Variants in TMEM91 observed in about 807,000 individuals in gnomAD.
The protein encoded by TMEM91 is dispanin subfamily C member 3.
Under a neutral mutation model 13.3 loss-of-function variants are expected in TMEM91, and 6 were observed. The observed-to-expected ratio is 0.45, with a 90% CI of 0.25 to 0.89. TMEM91 has a LOEUF of 0.89. TMEM91 is among the 40% of genes least tolerant of loss of function. The pLI, the probability that TMEM91 is intolerant of heterozygous loss-of-function variation, is 0.19. For missense variants in TMEM91, 193 were observed against 228.7 expected, an observed-to-expected ratio of 0.84 and a Z score of 1.01; for synonymous variants, 87 against 101.7, an observed-to-expected ratio of 0.86 and a Z score of 0.87.
intron 1 of TMEM91, among the ~76,000 whole-genome samples, chr19:41,367,017 T>G (rs961442198): frequency 2.0e-5 from 3 of 152,030 alleles, no homozygotes; most frequent in Admixed American, 1.3e-4. Flanking sequence ...GGCACATGCC[T>G]GTGGTGTCAG....
rs1226141500 is a variant in TMEM91, at chr19:41,371,354, CTTCCTTCCTTCCTTCT to C, written c.-29-6901_-29-6886del. Among the ~76,000 whole-genome samples, 40 of 146,978 alleles carry C rather than the reference CTTCCTTCCTTCCTTCT, an allele frequency of 2.7e-4. 1 individual carries two copies. Among genetic ancestry groups the C allele is most frequent in the Non-Finnish European group, 3.4e-4 (23 of 66,972 alleles). On this transcript the variant is annotated intron_variant, in intron 1 of 3. Transcript: ENST00000413014. ...CCTTCCTTCCTTCCTTCCTTCCTTC[CTTCCTTCCTTCCTTCT>C]TTCCTTCCTTCCTTCTTTCCTTCCT...
chr19:41,374,881 G>C (rs534063720), upstream of TMEM91, among the ~76,000 whole-genome samples: 138 of 152,266 alleles, frequency 9.1e-4, 1 homozygote, highest in Non-Finnish European at 1.6e-3. Flanking sequence ...TACTCGGGAG[G>C]CTGAGGCAGG....
upstream of TMEM91, among the ~76,000 whole-genome samples, chr19:41,372,556 T>G (rs1441166676): frequency 6.6e-6 from 1 of 152,186 alleles, no homozygotes; most frequent in Non-Finnish European, 1.5e-5. Context: ...ATAACATTGA[T>G]GTTTTGAAGG....
intron 2 of TMEM91, among the ~76,000 whole-genome samples, chr19:41,379,550 GGA>G (rs904015109): frequency 6.9e-5 from 10 of 145,772 alleles, no homozygotes; most frequent in African/African-American, 7.6e-5. Flanking sequence ...GGGAGAGGGG[GGA>G]GAGAGAGAGA....
In TMEM91 at chr19:41,376,673, G is replaced by A. The variant is rs988501255; in HGVS notation, c.-211G>A. The A allele has an allele frequency of 8.5e-5, 13 of 152,212 alleles. No individual in the cohort carries two copies. Among genetic ancestry groups the A allele is most frequent in the African/African-American group, 3.1e-4 (13 of 41,460 alleles). The allele number at this position is 152,212 out of a possible 1,614,324, so 9.4% of individuals were successfully genotyped here. On this transcript the variant is annotated 5_prime_UTR_variant, in exon 1 of 4. Coordinates refer to ENST00000392002, the MANE Select transcript of TMEM91 (RefSeq NM_001098821.2). ...GGGATCCCTCGCCGGACGCCGCGGA[G>A]GGACAGAGCCTGGGAAGCCGTCGCC...
intron 1 of TMEM91, among the ~76,000 whole-genome samples, chr19:41,370,398 T>TTTA (rs2038596281): frequency 8.3e-6 from 1 of 120,930 alleles, no homozygotes; most frequent in Non-Finnish European, 1.8e-5. Flanking sequence ...TTTTATTTTA[T>TTTA]TTATTTATTT....
intron 1 of TMEM91, among the ~76,000 whole-genome samples, chr19:41,364,520 A>T (rs113342516): frequency 3.8e-4 from 58 of 152,188 alleles, no homozygotes; most frequent in Non-Finnish European, 7.8e-4. Context: ...CCTCGTGTAC[A>T]TCCCCGGCCT....
intron 2 of TMEM91, among the ~76,000 whole-genome samples, chr19:41,381,906 C>T (rs769700748): frequency 1.3e-5 from 2 of 152,070 alleles, no homozygotes; most frequent in Admixed American, 1.3e-4. Context: ...CACTCTATTG[C>T]CCAGGCTGGA....
Position 41,383,570 on chromosome 19 carries a change from T to C in TMEM91, c.361-145T>C, listed in dbSNP as rs199559752. ...TTTATTAACCACTCAGCATCCCCAG[T>C]GCCTGACCTATAGTAGGTGCTACGT... On this transcript the variant is annotated intron_variant, in intron 3 of 3. Transcript: ENST00000392002. 9.3e-6 allele frequency: 15 copies of C among 1,613,326 alleles called. No homozygotes were observed. In the African/African-American group the frequency reaches 2.0e-4, roughly 22 times the overall value.
At position 41,383,867 on chromosome 19, in the gene TMEM91, G is replaced by A. The variant is rs774051197; in HGVS notation, c.513G>A (p.Pro171=). Residue 171 remains proline (P), a synonymous_variant, in exon 4 of 4, where the codon CCG becomes CCA. Coordinates refer to ENST00000392002, the MANE Select transcript of TMEM91 (RefSeq NM_001098821.2). The part of the protein sequence containing the change: ...TLAAYLASRD[P]P Reference sequence around the variant, plus strand: ...CTGCCTACCTTGCCTCCCGAGACCCGCCCTAGTTGCCCCTACAGCCCTCAC... The same window carrying A: ...CTGCCTACCTTGCCTCCCGAGACCCACCCTAGTTGCCCCTACAGCCCTCAC... 1.5e-5 allele frequency: 24 copies of A among 1,607,504 alleles called. No individual in the cohort carries two copies. The South Asian group carries it at 2.0e-4, about 13-fold the overall frequency.
At chr19:41,382,728 A>C (rs765709885) in intron 2 of TMEM91, 44 bp from the exon 3 acceptor site, 1 of 1,594,648 alleles carries the variant, frequency 6.3e-7, no homozygotes. Context: ...ATGGGGCAGG[A>C]AAGGTGGATG....
intron 3 of TMEM91, 165 bp downstream of exon 3, chr19:41,383,086 C>T (rs2038931069): frequency 1.0e-6 from 1 of 990,936 alleles, no homozygotes; most frequent in Non-Finnish European, 1.5e-6. Flanking sequence ...TTGAGTCTCA[C>T]TTTGTCGCCC....
intron 1 of TMEM91, among the ~76,000 whole-genome samples, chr19:41,377,977 G>T (rs932307029): frequency 6.7e-6 from 1 of 148,986 alleles, no homozygotes; most frequent in African/African-American, 2.5e-5. Flanking sequence ...TCATGCCACT[G>T]CACTCTAGCG....
rs1555758456 is a variant in TMEM91, at chr19:41,371,311, C to CTCCCT, written c.-29-6967_-29-6966insCTTCC. ...ACCACCATGCCTGGCCCACTATCCT[C>CTCCCT]TCCTTCCTTCCTTCCTTCCTTCCTT... On this transcript the variant is annotated intron_variant, in intron 1 of 3. Transcript: ENST00000413014. Among the ~76,000 whole-genome samples the CTCCCT allele has an allele frequency of 1.6e-4, 18 of 111,914 alleles. No individual in the cohort carries two copies. The East Asian group carries it at 1.9e-3, about 12-fold the overall frequency. The allele number at this position is 111,914 out of a possible 152,430, so 73.4% of individuals were successfully genotyped here.
rs1247983601 is a variant in TMEM91 at position 41,371,366 on chromosome 19, CTTCT to C, written c.-29-6911_-29-6908del. Among the ~76,000 whole-genome samples the C allele has an allele frequency of 9.2e-3, 1,178 of 127,824 alleles. 11 individuals are homozygous for C. Among genetic ancestry groups the C allele is most frequent in the African/African-American group, 0.011 (352 of 32,574 alleles). 83.9% of individuals were successfully genotyped at this position (127,824 alleles called of 152,430 possible). A position where few individuals can be genotyped will look rare whatever the true frequency, so the allele number is the denominator to read the frequency against. ...CCTTCCTTCCTTCCTTCCTTCCTTC[CTTCT>C]TTCCTTCCTTCCTTCTTTCCTTCCT... On this transcript the variant is annotated intron_variant, in intron 1 of 3. Transcript: ENST00000413014.
chr19:41,380,585 A>G (rs1396582824), intron 2 of TMEM91, among the ~76,000 whole-genome samples: 8 of 151,372 alleles, frequency 5.3e-5, no homozygotes, highest in Admixed American at 5.3e-4. Flanking sequence ...GACCAGCCTG[A>G]CCAATGTAGG....
At chr19:41,367,674 C>T (rs990584197) in intron 1 of TMEM91, among the ~76,000 whole-genome samples, 7 of 152,190 alleles carry the variant, frequency 4.6e-5, no homozygotes, top group Admixed American at 2.0e-4. Flanking sequence ...TGCTCTGTTA[C>T]CCAGGCTGGA....
At chr19:41,371,249 G>A (rs190223542) in intron 1 of TMEM91, among the ~76,000 whole-genome samples, 48 of 151,926 alleles carry the variant, frequency 3.2e-4, no homozygotes, top group African/African-American at 1.1e-3. Flanking sequence ...TGATCTGCCC[G>A]CCTTGGCCTC....
chr19:41,367,866 C>T (rs2038553523), intron 1 of TMEM91, among the ~76,000 whole-genome samples: 1 of 152,126 alleles, frequency 6.6e-6, no homozygotes, highest in African/African-American at 2.4e-5. Context: ...AACTCCTGGG[C>T]TCAAGTGATC....
Sources: allele counts gnomAD v4.1 joint callset (sites outside exome capture counted in the v4.1 genomes callset), GRCh38; gene constraint gnomAD v4.1.1; transcripts MANE v1.5; gene names NCBI Gene and HGNC (gene_info 2026-07-23, HGNC 2026-07-21).